NMNAT3: variants seen among roughly 807,000 people sequenced by gnomAD.
The protein encoded by NMNAT3 is nicotinamide/nicotinic acid mononucleotide adenylyltransferase 3.
A neutral mutation model predicts 24.8 loss-of-function variants in NMNAT3; 21 were observed. That is an observed-to-expected ratio of 0.85 (90% CI 0.60 to 1.22). The LOEUF (loss-of-function observed/expected upper bound fraction) is 1.22. Among genes scored for constraint, NMNAT3 ranks in the 50% most tolerant of loss-of-function variants. NMNAT3 has a pLI of 0.00. For synonymous variants in NMNAT3, 136 were observed against 155.2 expected, an observed-to-expected ratio of 0.88 and a Z score of 0.92; for missense variants, 387 against 436.6, an observed-to-expected ratio of 0.89 and a Z score of 1.01.
chr3:139,594,526 C>G (rs1404400727), intron 3 of NMNAT3, among the ~76,000 whole-genome samples: 1 of 152,204 alleles, frequency 6.6e-6, no homozygotes, highest in African/African-American at 2.4e-5. Flanking sequence ...GAATTTTAGA[C>G]CAGTATCCTT....
intron 1 of NMNAT3, among the ~76,000 whole-genome samples, chr3:139,664,891 G>A (rs1484323102): frequency 6.6e-6 from 1 of 152,170 alleles, no homozygotes; most frequent in Non-Finnish European, 1.5e-5. Context: ...AAGAGTCTGA[G>A]ATTTAAGAAT....
chr3:139,629,878 C>T (rs1396650985), intron 2 of NMNAT3, among the ~76,000 whole-genome samples: 5 of 152,204 alleles, frequency 3.3e-5, no homozygotes, highest in African/African-American at 1.2e-4. Context: ...CATATGATCA[C>T]ATTATTTATT....
At chr3:139,644,875 T>C (rs2056819778) in intron 1 of NMNAT3, among the ~76,000 whole-genome samples, 1 of 152,072 alleles carries the variant, frequency 6.6e-6, no homozygotes, top group Non-Finnish European at 1.5e-5. Context: ...AATCACAGAA[T>C]AGAAAGGTAA....
chr3:139,621,687 T>G (rs1056876796), intron 3 of NMNAT3, among the ~76,000 whole-genome samples: 4 of 152,192 alleles, frequency 2.6e-5, no homozygotes, highest in Non-Finnish European at 5.9e-5. Context: ...TTTTTCCTTC[T>G]GTCTTACTGC....
intron 1 of NMNAT3, among the ~76,000 whole-genome samples, chr3:139,667,742 C>T (rs145476928): frequency 3.9e-5 from 6 of 152,292 alleles, no homozygotes; most frequent in Admixed American, 1.3e-4. Context: ...GGTTTGTGCT[C>T]TTGTCTTACA....
At position 139,561,067 on chromosome 3, in the gene NMNAT3, G is replaced by C. The variant is rs1371445401; in HGVS notation, c.984C>G (p.Thr328=). The C allele has an allele frequency of 6.2e-7, 1 of 1,613,994 alleles. No individual in the cohort carries two copies. Among genetic ancestry groups the C allele is most frequent in the Admixed American group, 1.7e-5 (1 of 60,010 alleles). ...TTTTGCCTTTCCAGGTACTGCCCTT[G>C]GTGTAGAGGCCATGGTCCTTGATGT... Residue 328 remains threonine, a synonymous_variant, in exon 7 of 7, where the codon ACC becomes ACG. Coordinates refer to ENST00000643695, the MANE Select transcript of NMNAT3 (RefSeq NM_001320510.2).
At chr3:139,591,870 A>C (rs888049839) in intron 3 of NMNAT3, among the ~76,000 whole-genome samples, 19 of 152,258 alleles carry the variant, frequency 1.2e-4, no homozygotes, top group Non-Finnish European at 2.5e-4. Context: ...AGATGGGGAA[A>C]AAACAGAGCA....
intron 1 of NMNAT3, among the ~76,000 whole-genome samples, chr3:139,638,567 C>A (rs1006813116): frequency 2.0e-5 from 3 of 152,240 alleles, no homozygotes; most frequent in African/African-American, 7.2e-5. Flanking sequence ...AGCCATGTGG[C>A]TCATCTCCGT....
At chr3:139,590,449 G>A (rs57724761) in intron 3 of NMNAT3, among the ~76,000 whole-genome samples, 3,131 of 152,178 alleles carry the variant, frequency 0.021, 88 homozygotes, top group African/African-American at 0.069. Context: ...CATTTTTCCT[G>A]AAGGAAGCCA....
chr3:139,575,284 A>G (rs1489247403), intron 5 of NMNAT3, among the ~76,000 whole-genome samples: 3 of 152,128 alleles, frequency 2.0e-5, no homozygotes, highest in African/African-American at 7.2e-5. Context: ...GGCTGGACTC[A>G]GTGTTTTCAT....
intron 1 of NMNAT3, among the ~76,000 whole-genome samples, chr3:139,642,723 G>C (rs1242960410): frequency 1.3e-5 from 2 of 152,096 alleles, no homozygotes; most frequent in African/African-American, 4.8e-5. Context: ...CCACATTCTT[G>C]ATGGCTCCAC....
intron 3 of NMNAT3, among the ~76,000 whole-genome samples, chr3:139,592,187 G>A (rs1266173607): frequency 6.6e-6 from 1 of 152,232 alleles, no homozygotes; most frequent in South Asian, 2.1e-4. Flanking sequence ...AGCCTCAGGA[G>A]CCGATGCGAT....
At chr3:139,610,872 A>G (rs1262216182) in intron 3 of NMNAT3, among the ~76,000 whole-genome samples, 1 of 152,262 alleles carries the variant, frequency 6.6e-6, no homozygotes. Flanking sequence ...GATATACATC[A>G]CATTGGACAC....
intron 3 of NMNAT3, among the ~76,000 whole-genome samples, chr3:139,614,051 G>T (rs1331561265): frequency 2.6e-5 from 4 of 151,970 alleles, no homozygotes; most frequent in African/African-American, 9.7e-5. Context: ...ACGAGTTAAT[G>T]GGTGCAGCAT....
intron 5 of NMNAT3, chr3:139,575,587 A>G: frequency 1.0e-6 from 1 of 997,572 alleles, no homozygotes; most frequent in Non-Finnish European, 1.2e-6. Flanking sequence ...ACTTACCTTG[A>G]AGGTCCTAGT....
chr3:139,563,733 A>G (rs9874566), intron 6 of NMNAT3, among the ~76,000 whole-genome samples: 11,120 of 152,212 alleles, frequency 0.073, 538 homozygotes, highest in Middle Eastern at 0.13. Context: ...TTCAGGGCTC[A>G]CAAACGCATT....
At chr3:139,668,187 A>C (rs148820308) in intron 1 of NMNAT3, among the ~76,000 whole-genome samples, 171 of 152,322 alleles carry the variant, frequency 1.1e-3, no homozygotes, top group Non-Finnish European at 2.1e-3. Context: ...AAGAAAGTCC[A>C]AGAAAGAACA....
chr3:139,634,354 T>G (rs2056420373), intron 2 of NMNAT3: 1 of 152,200 alleles, frequency 6.6e-6, no homozygotes, highest in African/African-American at 2.4e-5. Flanking sequence ...TCAGGCAGAA[T>G]GGAAATGGAT....
At chr3:139,602,749 A>G (rs1056117623) in intron 3 of NMNAT3, among the ~76,000 whole-genome samples, 5 of 152,368 alleles carry the variant, frequency 3.3e-5, no homozygotes, top group African/African-American at 1.2e-4. Flanking sequence ...TACTAATTTT[A>G]TAAGTATAGA....
Sources: gnomAD v4.1 joint callset for allele counts (sites outside exome capture counted in the v4.1 genomes callset) on GRCh38, gnomAD v4.1.1 for gene constraint, MANE v1.5 for transcripts, NCBI Gene and HGNC (gene_info 2026-07-23, HGNC 2026-07-21) for gene names.